CYB5R3: variants seen among roughly 807,000 people sequenced by gnomAD.
CYB5R3 encodes the protein NADH-cytochrome b5 reductase 3.
A neutral mutation model predicts 36.5 loss-of-function variants in CYB5R3; 28 were observed. The observed-to-expected ratio is 0.77, with a 90% confidence interval of 0.57 to 1.05. The LOEUF is 1.05. Among genes scored for constraint, CYB5R3 ranks in the 50% least tolerant of loss-of-function variants. The pLI, the probability that CYB5R3 is intolerant of heterozygous loss-of-function variation, is 0.00. For synonymous variants in CYB5R3, 181 were observed against 159.8 expected, an observed-to-expected ratio of 1.13 and a Z score of -1.00; for missense variants, 474 against 408.9, an observed-to-expected ratio of 1.16 and a Z score of -1.37.
rs1049192558 is a variant in CYB5R3 at position 42,619,547 on chromosome 22, A to C, written c.*226T>G. Reference sequence around the variant, plus strand: ...CTGGGCGTCTCTGGTAAGGACCAGTAAGTGCCAGGCAGGACGTACTCTGAA... The same window carrying C: ...CTGGGCGTCTCTGGTAAGGACCAGTCAGTGCCAGGCAGGACGTACTCTGAA... On this transcript the variant is annotated 3_prime_UTR_variant, in exon 9 of 9. Transcript: ENST00000352397. The C allele has an allele frequency of 3.4e-6, 2 of 586,394 alleles. No individual in the cohort carries two copies. Among genetic ancestry groups the C allele is most frequent in the East Asian group, 5.7e-5 (2 of 35,216 alleles). The allele number at this position is 586,394 out of a possible 1,614,324, so 36.3% of individuals were successfully genotyped here.
chr22:42,646,538 G>C, intron 1 of CYB5R3: 2 of 533,812 alleles, frequency 3.7e-6, no homozygotes, highest in African/African-American at 4.1e-5. Context: ...TTAGGGGTGG[G>C]CAGAGAGAGC....
intron 1 of CYB5R3, among the ~76,000 whole-genome samples, chr22:42,645,095 C>G (rs1006484164): frequency 1.3e-5 from 2 of 152,096 alleles, no homozygotes; most frequent in Non-Finnish European, 2.9e-5. Context: ...GGCGCTGGGC[C>G]AAGAAAAAGA....
intron 8 of CYB5R3, 44 bp downstream of exon 8, chr22:42,623,745 G>A: frequency 1.3e-6 from 2 of 1,525,942 alleles, no homozygotes; most frequent in Non-Finnish European, 1.8e-6. Flanking sequence ...TGAACTGTGG[G>A]CTGGCACCTC....
In CYB5R3 at chr22:42,628,175, C is replaced by T. The variant is rs1928397593; in HGVS notation, c.440G>A (p.Gly147Glu). The stretch of plus-strand genomic sequence containing the variant: ...ACCTTTGCCCTGGTAGACCAGCAGC[C>T]CACTGGGGCCCCGGAACTCAATGGT... ...GDTIEFRGPS[G>E]LLVYQGKGKF... Residue 147 changes from glycine (G) to glutamate (E), a missense_variant, in exon 5 of 9, where the codon GGG becomes GAG. Coordinates refer to ENST00000352397, the MANE Select transcript of CYB5R3 (RefSeq NM_000398.7). The T allele has an allele frequency of 1.2e-6, 2 of 1,614,096 alleles. No individual in the cohort carries two copies. Among genetic ancestry groups the T allele is most frequent in the Non-Finnish European group, 1.7e-6 (2 of 1,179,982 alleles).
intron 8 of CYB5R3, 116 bp downstream of exon 8, chr22:42,623,673 A>G (rs1928106161): frequency 4.9e-6 from 4 of 823,688 alleles, no homozygotes; most frequent in South Asian, 1.4e-5. Flanking sequence ...TGCCTCCCAC[A>G]GGGCCATAGT....
rs121965017 is a variant in CYB5R3 at position 42,619,910 on chromosome 22, TCTC to T, written c.766_768del (p.Glu256del). 26 of 1,607,264 alleles carry T rather than the reference TCTC, an allele frequency of 1.6e-5. No individual in the cohort carries two copies. Among genetic ancestry groups the T allele is most frequent in the Non-Finnish European group, 2.0e-5 (24 of 1,177,104 alleles). Reference sequence around the variant, plus strand: ...GGGGGTGGAAGGTGGTCCCGGATCATCTCCTCATTCACGAAGCCCTGGCCGTAG... The same window carrying T: ...GGGGGTGGAAGGTGGTCCCGGATCATCTCATTCACGAAGCCCTGGCCGTAG... On this transcript the variant is annotated inframe_deletion, in exon 9 of 9. Transcript: ENST00000352397.
At chr22:42,646,308 G>C (rs899826295) in intron 1 of CYB5R3, among the ~76,000 whole-genome samples, 2 of 152,180 alleles carry the variant, frequency 1.3e-5, no homozygotes, top group South Asian at 4.1e-4. Flanking sequence ...CACAAGCCAT[G>C]CTCTGCCCCA....
chr22:42,636,094 T>C (rs1928874547), intron 2 of CYB5R3, among the ~76,000 whole-genome samples: 1 of 151,808 alleles, frequency 6.6e-6, no homozygotes, highest in Admixed American at 6.6e-5. Context: ...CTCACGCCTG[T>C]AATCGCAGCT....
At position 42,627,615 on chromosome 22, in the gene CYB5R3, C is replaced by T. The variant is rs144871462; in HGVS notation, c.537G>A (p.Ala179=). 347 of 1,614,080 alleles carry T rather than the reference C, an allele frequency of 2.1e-4. 1 individual carries two copies. In the East Asian group the frequency reaches 4.6e-3, roughly 22 times the overall value. The change falls in exon 6 of 9, where the codon GCG becomes GCA. Residue 179 remains alanine (A), a synonymous_variant. Coordinates refer to ENST00000352397, the MANE Select transcript of CYB5R3 (RefSeq NM_000398.7). ...GGGGGTTCCGTGTACCTGTCCCTCC[C>T]GCGATCATGCCCACAGACTTCACTG... ...IRTVKSVGMI[A]GGTGITPMLQ...
chr22:42,628,680 C>G (rs1005988222), intron 4 of CYB5R3, among the ~76,000 whole-genome samples: 5 of 152,244 alleles, frequency 3.3e-5, no homozygotes, highest in African/African-American at 1.2e-4. Context: ...TCAGTCCCTT[C>G]CGTTTTGTGC....
chr22:42,631,233 C>T (rs926772121), intron 3 of CYB5R3, 145 bp downstream of exon 3: 22 of 848,196 alleles, frequency 2.6e-5, no homozygotes, highest in Non-Finnish European at 3.5e-5. Context: ...CCAACAGACT[C>T]GCCCTCAAAG....
At chr22:42,631,707 G>C (rs1267260323) in intron 2 of CYB5R3, 1 of 569,536 alleles carries the variant, frequency 1.8e-6, no homozygotes. Context: ...AAGGTGGCCA[G>C]AACAGGGAAT....
intron 4 of CYB5R3, 72 bp from the exon 5 acceptor site, chr22:42,628,353 G>C: frequency 2.5e-6 from 4 of 1,587,692 alleles, no homozygotes; most frequent in Non-Finnish European, 3.4e-6. Context: ...CACAGTGGGA[G>C]ACAAGTGCCT....
At chr22:42,623,740 T>G in intron 8 of CYB5R3, 49 bp downstream of exon 8, 1 of 1,488,006 alleles carries the variant, frequency 6.7e-7, no homozygotes, top group Non-Finnish European at 9.4e-7. Flanking sequence ...AAAGGTGAAC[T>G]GTGGGCTGGC....
At chr22:42,646,814 CAG>C in intron 1 of CYB5R3, 2 of 986,104 alleles carry the variant, frequency 2.0e-6, no homozygotes, top group Non-Finnish European at 2.4e-6. Context: ...CAGGTGGACA[CAG>C]AGCTGGGATC....
In CYB5R3 at chr22:42,637,202, A is replaced by G. The variant is rs975264731; in HGVS notation, c.22-356T>C. ...CAGAGTAAAATTAATCTTGAGCATA[A>G]TGTATTTGTGCTCCTTCCTTCTCTT... On this transcript the variant is annotated intron_variant, in intron 1 of 8. Coordinates refer to ENST00000352397, the MANE Select transcript of CYB5R3 (RefSeq NM_000398.7). Among the ~76,000 whole-genome samples the G allele has an allele frequency of 7.2e-5, 11 of 152,316 alleles. No homozygotes were observed. In the East Asian group the frequency reaches 1.9e-3, roughly 27 times the overall value.
At chr22:42,626,202 C>T (rs1326593007) in intron 7 of CYB5R3, among the ~76,000 whole-genome samples, 1 of 151,988 alleles carries the variant, frequency 6.6e-6, no homozygotes, top group Non-Finnish European at 1.5e-5. Context: ...CCCAGCTACT[C>T]GGGAGGCTGA....
At chr22:42,628,023 A>G (rs1928383902) in intron 5 of CYB5R3, 129 bp downstream of exon 5, 1 of 1,331,226 alleles carries the variant, frequency 7.5e-7, no homozygotes, top group Non-Finnish European at 1.1e-6. Context: ...GTTCCCAGAG[A>G]GGGACAGCTG....
rs1161784476 is a variant in CYB5R3 at position 42,619,884 on chromosome 22, T to C, written c.795A>G (p.Pro265=). ...ACATCAGCACCAGCGGCTCCTCCTC[T>C]GGGGGTGGAAGGTGGTCCCGGATCA... is the stretch of plus-strand genomic sequence containing the variant. ...EEMIRDHLPP[P]EEEPLVLMCG... is the part of the protein sequence containing the mutation. Residue 265 remains proline, a synonymous_variant, in exon 9 of 9, where the codon CCA becomes CCG. Transcript: ENST00000352397. 2 of 1,608,548 alleles carry C rather than the reference T, an allele frequency of 1.2e-6. No individual in the cohort carries two copies. The highest frequency in any genetic ancestry group is 1.7e-5 in the Admixed American group (1 of 59,356).
Sources: gnomAD v4.1 joint callset for allele counts (sites outside exome capture counted in the v4.1 genomes callset) on GRCh38, gnomAD v4.1.1 for gene constraint, MANE v1.5 for transcripts, NCBI Gene and HGNC (gene_info 2026-07-23, HGNC 2026-07-21) for gene names.